The following TAF2 variants were observed in gnomAD, a reference collection of about 807,000 sequenced individuals.
TAF2 encodes the protein transcription initiation factor TFIID subunit 2.
TAF2 carries 61 observed loss-of-function variants against 138.5 expected under a neutral mutation model. The ratio of observed to expected loss-of-function variants is 0.44; its 90% CI spans 0.36 to 0.54. The LOEUF (loss-of-function observed/expected upper bound fraction) is 0.54, where lower values mean the gene tolerates loss of function less well. TAF2 is among the 20% of genes least tolerant of loss of function. The pLI, the probability that TAF2 is intolerant of heterozygous loss-of-function variation, is 0.00. For synonymous variants in TAF2, 475 were observed against 469.9 expected (o/e 1.01, Z -0.14); for missense variants, 1,090 against 1,427.9 (o/e 0.76, Z 3.81).
At chr8:119,787,782 T>C (rs937575871) in intron 14 of TAF2, among the ~76,000 whole-genome samples, 1 of 152,178 alleles carries the variant, frequency 6.6e-6, no homozygotes, top group African/African-American at 2.4e-5. Context: ...TAAAGACATA[T>C]GCACACGTAT....
chr8:119,807,568 G>A (rs113999163), intron 3 of TAF2, among the ~76,000 whole-genome samples: 1,685 of 152,308 alleles, frequency 0.011, 32 homozygotes, highest in African/African-American at 0.038. Flanking sequence ...CCTGCCGTTA[G>A]GTGTAGCCAC....
In TAF2 at chr8:119,785,232, CTCCAT is replaced by C; in HGVS notation, c.1823_1827del (p.Asn608ArgfsTer4). On this transcript the variant is annotated frameshift_variant, in exon 15 of 26. Transcript: ENST00000378164. LOFTEE classifies it high-confidence loss of function. ...GCAGAAAGATCCATATCAACTTCTT[CTCCAT>C]TCATCAGTGGGATTTTTTTCTTTTT... The C allele has an allele frequency of 6.2e-7, 1 of 1,612,962 alleles. No homozygotes were observed. Among genetic ancestry groups the C allele is most frequent in the Non-Finnish European group, 8.5e-7 (1 of 1,179,270 alleles).
chr8:119,832,481 T>C lies in TAF2; in HGVS notation c.83+1A>G, dbSNP rs1826525063. 1.2e-6 allele frequency: 2 copies of C among 1,613,462 alleles called. No homozygotes were observed. Among genetic ancestry groups the C allele is most frequent in the Non-Finnish European group, 1.7e-6 (2 of 1,179,672 alleles). On this transcript the variant is annotated splice_donor_variant, in intron 1 of 25. Coordinates refer to ENST00000378164, the MANE Select transcript of TAF2 (RefSeq NM_003184.4). LOFTEE classifies it high-confidence loss of function. ...AGGAAGGGAAATGAAAAAATACTTA[T>C]AATTTATATGGCCTTGGGCTTTCAA...
chr8:119,801,809 A>G lies in TAF2; in HGVS notation c.777T>C (p.Asp259=), dbSNP rs760941261. ...TCTGACTTACCTCATGCATGTATGG[A>G]TCTACCAGTATTTCAAATGGTCCAA... The part of the protein sequence containing the change: ...LAIGPFEILV[D]PYMHEVTHFC... Residue 259 remains aspartate, a synonymous_variant, in exon 6 of 26, where the codon GAT becomes GAC. Coordinates refer to ENST00000378164, the MANE Select transcript of TAF2 (RefSeq NM_003184.4). 3.1e-6 allele frequency: 5 copies of G among 1,614,014 alleles called. No individual in the cohort carries two copies. Among genetic ancestry groups the G allele is most frequent in the Non-Finnish European group, 4.2e-6 (5 of 1,179,906 alleles).
chr8:119,733,649 C>A (rs1172389725), intron 25 of TAF2, among the ~76,000 whole-genome samples: 3 of 152,168 alleles, frequency 2.0e-5, no homozygotes, highest in African/African-American at 4.8e-5. Context: ...AAATCTCTCT[C>A]TATATTTATA....
At chr8:119,764,862 T>C (rs949395817) in intron 18 of TAF2, among the ~76,000 whole-genome samples, 1 of 151,878 alleles carries the variant, frequency 6.6e-6, no homozygotes, top group Non-Finnish European at 1.5e-5. Context: ...AATTCAAGTG[T>C]AGGGGAAAAA....
At chr8:119,754,650 T>C (rs947690231) in intron 22 of TAF2, among the ~76,000 whole-genome samples, 2 of 151,028 alleles carry the variant, frequency 1.3e-5, no homozygotes, top group Middle Eastern at 3.2e-3. Flanking sequence ...GCCATTGCAC[T>C]CCAGCCTGGG....
chr8:119,812,719 GT>G (rs1825163009), intron 3 of TAF2, among the ~76,000 whole-genome samples: 1 of 29,976 alleles, frequency 3.3e-5, no homozygotes, highest in South Asian at 1.1e-3. Context: ...GTATTCCATG[GT>G]GTGTGTGTGT....
rs1161117969 is a variant in TAF2 at position 119,762,396 on chromosome 8, G to C, written c.2558+19C>G. On this transcript the variant is annotated intron_variant, in intron 19 of 25. Transcript: ENST00000378164. ...AGTTATAAGAACATATAACTTTAAAGTAAGGAATTTAATCATACCTGACAG... is the reference window on the plus strand; with the variant it reads ...AGTTATAAGAACATATAACTTTAAACTAAGGAATTTAATCATACCTGACAG... 3.1e-6 allele frequency: 5 copies of C among 1,609,368 alleles called. No homozygotes were observed. The African/African-American group carries it at 6.7e-5, about 22-fold the overall frequency.
Position 119,806,416 on chromosome 8 carries a change from G to A in TAF2, c.300-15C>T. 2 of 1,571,166 alleles carry A rather than the reference G, an allele frequency of 1.3e-6. No homozygotes were observed. Among genetic ancestry groups the A allele is most frequent in the Non-Finnish European group, 1.7e-6 (2 of 1,144,212 alleles). ...TGAGGTTTCTCCTGGGGAAAAAAAA[G>A]AGCCAACTTTTAATAATAAGCCATG... On this transcript the variant is annotated splice_polypyrimidine_tract_variant and intron_variant, in intron 3 of 25. Coordinates refer to ENST00000378164, the MANE Select transcript of TAF2 (RefSeq NM_003184.4).
chr8:119,755,070 AT>A, intron 22 of TAF2, among the ~76,000 whole-genome samples: 1 of 152,236 alleles, frequency 6.6e-6, no homozygotes, highest in Non-Finnish European at 1.5e-5. Context: ...TATCACCTAC[AT>A]TTTACAAATG....
chr8:119,809,753 C>G (rs1824907480), intron 3 of TAF2, among the ~76,000 whole-genome samples: 1 of 152,172 alleles, frequency 6.6e-6, no homozygotes, highest in Non-Finnish European at 1.5e-5. Context: ...AGAACACACA[C>G]AATGTTTATC....
intron 2 of TAF2, 85 bp from the exon 3 acceptor site, chr8:119,819,591 T>C (rs776786079): frequency 2.6e-5 from 29 of 1,132,424 alleles, no homozygotes; most frequent in Non-Finnish European, 3.6e-5. Flanking sequence ...CTTGTACACA[T>C]ATTATACTAC....
intron 18 of TAF2, among the ~76,000 whole-genome samples, chr8:119,772,472 G>A (rs1323673142): frequency 6.6e-6 from 1 of 152,138 alleles, no homozygotes. Context: ...GGAGGGAAGC[G>A]AGGGTTGAAA....
chr8:119,790,576 A>T (rs906285155), intron 11 of TAF2, among the ~76,000 whole-genome samples: 3 of 152,228 alleles, frequency 2.0e-5, no homozygotes, highest in African/African-American at 7.2e-5. Flanking sequence ...ATGAAAAAAA[A>T]TGGCTGAACA....
chr8:119,732,853 C>G (rs1466794364), intron 25 of TAF2, among the ~76,000 whole-genome samples: 1 of 152,050 alleles, frequency 6.6e-6, no homozygotes, highest in Non-Finnish European at 1.5e-5. Context: ...GAAAACATAA[C>G]TCACTCAATT....
intron 25 of TAF2, among the ~76,000 whole-genome samples, chr8:119,732,620 G>A (rs776714293): frequency 2.0e-5 from 3 of 151,986 alleles, no homozygotes; most frequent in Non-Finnish European, 4.4e-5. Flanking sequence ...CCTGGCCAAC[G>A]TGGTCAAACT....
chr8:119,753,743 A>C (rs1820511133), intron 22 of TAF2, among the ~76,000 whole-genome samples: 1 of 152,180 alleles, frequency 6.6e-6, no homozygotes, highest in Non-Finnish European at 1.5e-5. Context: ...ACACATATTT[A>C]TTTTGTCCAA....
chr8:119,828,538 GC>G (rs1826239922), intron 2 of TAF2, among the ~76,000 whole-genome samples: 3 of 152,088 alleles, frequency 2.0e-5, no homozygotes, highest in South Asian at 4.1e-4. Flanking sequence ...GATATAAACA[GC>G]AGTGAAGGTC....
Sources: allele counts gnomAD v4.1 joint callset (sites outside exome capture counted in the v4.1 genomes callset), GRCh38; gene constraint gnomAD v4.1.1; transcripts MANE v1.5; gene names NCBI Gene and HGNC (gene_info 2026-07-23, HGNC 2026-07-21).